Variants in GP1BA observed in about 807,000 individuals in gnomAD.
The protein encoded by GP1BA is glycoprotein Ib platelet subunit alpha, also known as platelet glycoprotein Ib alpha chain.
A neutral mutation model predicts 5.6 loss-of-function variants in GP1BA; 3 were observed. The ratio of observed to expected loss-of-function variants is 0.53; its 90% CI spans 0.24 to 1.38. The LOEUF is 1.38. Among genes scored for constraint, GP1BA ranks in the 40% most tolerant of loss-of-function variants. GP1BA has a pLI of 0.16. For missense variants in GP1BA, 707 were observed against 801.4 expected, an observed-to-expected ratio of 0.88 and a Z score of 1.42; for synonymous variants, 323 against 358.3, an observed-to-expected ratio of 0.90 and a Z score of 1.11.
In GP1BA at chr17:4,934,358, G is replaced by C. The variant is rs776856850; in HGVS notation, c.1754G>C (p.Gly585Ala). 7 of 1,613,906 alleles carry C rather than the reference G, an allele frequency of 4.3e-6. No individual in the cohort carries two copies. The African/African-American group carries it at 9.3e-5, about 22-fold the overall frequency. The change falls in exon 2 of 2, where the codon GGA becomes GCA. Residue 585 changes from glycine to alanine, a missense_variant. Transcript: ENST00000329125. ...TQTTHLELQR[G>A]RQVTVPRAWL... ...ACCACACACCTGGAGCTGCAGAGGGGACGGCAAGTGACAGTGCCCCGGGCC... is the reference window on the plus strand; with the variant it reads ...ACCACACACCTGGAGCTGCAGAGGGCACGGCAAGTGACAGTGCCCCGGGCC...
In GP1BA at chr17:4,932,375, G is replaced by A; in HGVS notation, c.-7+10G>A. On this transcript the variant is annotated intron_variant, in intron 1 of 1. Transcript: ENST00000329125. The surrounding 1 kb of genome is among the most constrained non-coding windows in gnomAD (Gnocchi z 4.8). ...GTCTTTCTGCCTGCCTGTAAGCCGG[G>A]GTTGGTGCTGGGGCAGGAGAGGGGT... is the stretch of plus-strand genomic sequence containing the variant. 5.7e-6 allele frequency: 8 copies of A among 1,394,986 alleles called. No individual in the cohort carries two copies. The highest frequency in any genetic ancestry group is 7.4e-6 in the Non-Finnish European group (8 of 1,075,822). 86.4% of individuals were successfully genotyped at this position (1,394,986 alleles called of 1,614,324 possible).
In GP1BA at chr17:4,933,251, C is replaced by T. The variant is rs1970369490; in HGVS notation, c.647C>T (p.Ala216Val). ...TTTGGGTCCCACCTCCTGCCTTTTG[C>T]TTTTCTCCACGGGAACCCCTGGTTA... Reference protein sequence around the residue: ...GFFGSHLLPFAFLHGNPWLCN... With the variant: ...GFFGSHLLPFVFLHGNPWLCN... The change falls in exon 2 of 2, where the codon GCT (alanine) becomes GTT (valine). Residue 216 changes from alanine (A) to valine (V), a missense_variant. By Grantham distance (64) the Ala-to-Val change is moderately conservative. Coordinates refer to ENST00000329125, the MANE Select transcript of GP1BA (RefSeq NM_000173.7). 1.2e-6 allele frequency: 2 copies of T among 1,613,984 alleles called. No homozygotes were observed. Among genetic ancestry groups the T allele is most frequent in the Non-Finnish European group, 1.7e-6 (2 of 1,179,880 alleles).
Position 4,932,584 on chromosome 17 carries a change from C to A in GP1BA, c.-6-15C>A. On this transcript the variant is annotated splice_polypyrimidine_tract_variant and intron_variant, in intron 1 of 1. Coordinates refer to ENST00000329125, the MANE Select transcript of GP1BA (RefSeq NM_000173.7). This position sits in a 1 kb window ranked among gnomAD's most constrained non-coding sequence, Gnocchi z 4.8. The stretch of plus-strand genomic sequence containing the variant: ...GGGATGCAGGGGGATCCACTCAAGG[C>A]TCCCTTGCCCACAGGTCCTCATGCC... The A allele has an allele frequency of 6.2e-7, 1 of 1,605,334 alleles. No homozygotes were observed. Among genetic ancestry groups the A allele is most frequent in the Non-Finnish European group, 8.5e-7 (1 of 1,174,178 alleles).
rs1192297848 is a variant in GP1BA, at chr17:4,932,376, GT to G, written c.-7+13del. 7.2e-7 allele frequency: 1 copy of G among 1,395,674 alleles called. No homozygotes were observed. The highest frequency in any genetic ancestry group is 2.6e-5 in the East Asian group (1 of 37,976). The allele number at this position is 1,395,674 out of a possible 1,614,324, so 86.5% of individuals were successfully genotyped here. ...TCTTTCTGCCTGCCTGTAAGCCGGG[GT>G]TGGTGCTGGGGCAGGAGAGGGGTCT... On this transcript the variant is annotated intron_variant, in intron 1 of 1. Coordinates refer to ENST00000329125, the MANE Select transcript of GP1BA (RefSeq NM_000173.7). The surrounding 1 kb of genome is among the most constrained non-coding windows in gnomAD (Gnocchi z 4.8).
In GP1BA at chr17:4,935,022, G is replaced by A. The variant is rs1363673325; in HGVS notation, c.*459G>A. 2.1e-5 allele frequency: 4 copies of A among 188,218 alleles called. No homozygotes were observed. The highest frequency in any genetic ancestry group is 5.0e-5 in the Non-Finnish European group (4 of 80,412). 11.7% of individuals were successfully genotyped at this position (188,218 alleles called of 1,614,324 possible). ...ATCTGTATAATAAAAAATAATTTTA[G>A]GGTTGGGAGTGATGGCTCATGCCTG... On this transcript the variant is annotated 3_prime_UTR_variant, in exon 2 of 2. Coordinates refer to ENST00000329125, the MANE Select transcript of GP1BA (RefSeq NM_000173.7).
In GP1BA at chr17:4,933,641, A is replaced by G. The variant is rs1397554567; in HGVS notation, c.1037A>G (p.Gln346Arg). 6.2e-7 allele frequency: 1 copy of G among 1,613,712 alleles called. No homozygotes were observed. The highest frequency in any genetic ancestry group is 1.3e-5 in the African/African-American group (1 of 74,838). The change falls in exon 2 of 2, where the codon CAA becomes CGA. Residue 346 changes from glutamine (Q) to arginine (R), a missense_variant. This residue lies in a region of GP1BA where 442 missense variants were observed against 498.8 expected (regional missense o/e 0.89). Transcript: ENST00000329125. ...SQMPSSLHPT[Q>R]ESTKEQTTFP... ...ATGCCCTCCTCCTTGCATCCAACAC[A>G]AGAATCCACTAAGGAGCAGACCACA...
chr17:4,934,400 G>C lies in GP1BA; in HGVS notation c.1796G>C (p.Arg599Pro). 2 of 1,614,028 alleles carry C rather than the reference G, an allele frequency of 1.2e-6. No homozygotes were observed. Among genetic ancestry groups the C allele is most frequent in the Non-Finnish European group, 1.7e-6 (2 of 1,179,904 alleles). Residue 599 changes from arginine (R) to proline (P), a missense_variant, in exon 2 of 2, where the codon CGA (arginine) becomes CCA (proline). This residue lies in a region of GP1BA where 247 missense variants were observed against 246.6 expected (regional missense o/e 1.00). Coordinates refer to ENST00000329125, the MANE Select transcript of GP1BA (RefSeq NM_000173.7). ...TVPRAWLLFLRGSLPTFRSSL... is the reference protein window; with the variant it reads ...TVPRAWLLFLPGSLPTFRSSL... The stretch of plus-strand genomic sequence containing the variant: ...CCCCGGGCCTGGCTGCTCTTCCTTC[G>C]AGGTTCGCTTCCCACTTTCCGCTCC...
rs766747008 is a variant in GP1BA at position 4,933,025 on chromosome 17, G to A, written c.421G>A (p.Glu141Lys). The part of the protein sequence containing the change: ...LPLGALRGLG[E>K]LQELYLKGNE... ...TCTTGGTGCCCTGCGTGGTCTTGGC[G>A]AACTCCAAGAGCTCTACCTGAAAGG... Residue 141 changes from glutamate (E) to lysine (K), a missense_variant, in exon 2 of 2, where the codon GAA (glutamate) becomes AAA (lysine). Glu to Lys is a moderately conservative substitution (Grantham distance 56). Coordinates refer to ENST00000329125, the MANE Select transcript of GP1BA (RefSeq NM_000173.7). The A allele has an allele frequency of 6.8e-6, 11 of 1,613,872 alleles. No individual in the cohort carries two copies. The highest frequency in any genetic ancestry group is 2.2e-5 in the East Asian group (1 of 44,888).
Position 4,933,544 on chromosome 17 carries a change from T to G in GP1BA, c.940T>G (p.Phe314Val), listed in dbSNP as rs1291365888. ...KVRATRTVVK[F>V]PTKAHTTPWG... ...GCGTGCCACAAGGACTGTGGTCAAG[T>G]TCCCCACCAAAGCCCATACAACCCC... The change falls in exon 2 of 2, where the codon TTC becomes GTC. Residue 314 changes from phenylalanine (F) to valine (V), a missense_variant. Phe to Val is a conservative substitution (Grantham distance 50). Coordinates refer to ENST00000329125, the MANE Select transcript of GP1BA (RefSeq NM_000173.7). 2.5e-6 allele frequency: 4 copies of G among 1,613,612 alleles called. No individual in the cohort carries two copies. The highest frequency in any genetic ancestry group is 3.4e-6 in the Non-Finnish European group (4 of 1,179,810).
chr17:4,932,599 G>A lies in GP1BA; in HGVS notation c.-6G>A, dbSNP rs1212623910. The A allele has an allele frequency of 6.2e-7, 1 of 1,611,432 alleles. No homozygotes were observed. Among genetic ancestry groups the A allele is most frequent in the Non-Finnish European group, 8.5e-7 (1 of 1,178,120 alleles). On this transcript the variant is annotated splice_region_variant and 5_prime_UTR_variant, in exon 2 of 2. Coordinates refer to ENST00000329125, the MANE Select transcript of GP1BA (RefSeq NM_000173.7). This position sits in a 1 kb window ranked among gnomAD's most constrained non-coding sequence, Gnocchi z 4.8. ...CCACTCAAGGCTCCCTTGCCCACAG[G>A]TCCTCATGCCTCTCCTCCTCTTGCT...
At position 4,933,618 on chromosome 17, in the gene GP1BA, G is replaced by T. The variant is rs1335323371; in HGVS notation, c.1014G>T (p.Met338Ile). The part of the protein sequence containing the change: ...SWSTASLDSQ[M>I]PSSLHPTQES... The stretch of plus-strand genomic sequence containing the variant: ...CCACTGCTTCTCTAGACAGCCAAAT[G>T]CCCTCCTCCTTGCATCCAACACAAG... Residue 338 changes from methionine (M) to isoleucine (I), a missense_variant, in exon 2 of 2, where the codon ATG becomes ATT. By Grantham distance (10) the Met-to-Ile change is conservative. Coordinates refer to ENST00000329125, the MANE Select transcript of GP1BA (RefSeq NM_000173.7). The T allele has an allele frequency of 3.7e-6, 6 of 1,613,810 alleles. No homozygotes were observed. Among genetic ancestry groups the T allele is most frequent in the Non-Finnish European group, 5.1e-6 (6 of 1,179,842 alleles).
rs1970400942 is a variant in GP1BA at position 4,935,015 on chromosome 17, A to T, written c.*452A>T. On this transcript the variant is annotated 3_prime_UTR_variant, in exon 2 of 2. Coordinates refer to ENST00000329125, the MANE Select transcript of GP1BA (RefSeq NM_000173.7). ...GTATATTATCTGTATAATAAAAAATAATTTTAGGGTTGGGAGTGATGGCTC... is the reference window on the plus strand; with the variant it reads ...GTATATTATCTGTATAATAAAAAATTATTTTAGGGTTGGGAGTGATGGCTC... 5.3e-6 allele frequency: 1 copy of T among 190,042 alleles called. No individual in the cohort carries two copies. The highest frequency in any genetic ancestry group is 1.2e-5 in the Non-Finnish European group (1 of 80,994). 11.8% of individuals were successfully genotyped at this position (190,042 alleles called of 1,614,324 possible).
In GP1BA at chr17:4,934,161, T is replaced by G. The variant is rs767885475; in HGVS notation, c.1557T>G (p.Pro519=). ...ATTTGGAGAGCTCCAGAAATGACCC[T>G]TTTCTCCACCCCGACTTTTGCTGCC... is the stretch of plus-strand genomic sequence containing the variant. ...QGHLESSRND[P]FLHPDFCCLL... The change falls in exon 2 of 2, where the codon CCT becomes CCG. Residue 519 remains proline, a synonymous_variant. Transcript: ENST00000329125. 6.2e-7 allele frequency: 1 copy of G among 1,613,866 alleles called. No homozygotes were observed. Among genetic ancestry groups the G allele is most frequent in the Admixed American group, 1.7e-5 (1 of 60,024 alleles).
At position 4,934,745 on chromosome 17, in the gene GP1BA, G is replaced by A. The variant is rs1970397816; in HGVS notation, c.*182G>A. On this transcript the variant is annotated 3_prime_UTR_variant, in exon 2 of 2. Transcript: ENST00000329125. ...TTTCAGTCCCAGCCAAAGCAGAAGG[G>A]GTAATGACATGGACTTGGCGGGGGG... is the stretch of plus-strand genomic sequence containing the variant. The A allele has an allele frequency of 1.5e-6, 1 of 669,750 alleles. No individual in the cohort carries two copies. Among genetic ancestry groups the A allele is most frequent in the Non-Finnish European group, 2.6e-6 (1 of 381,824 alleles). The allele number at this position is 669,750 out of a possible 1,614,324, so 41.5% of individuals were successfully genotyped here.
In GP1BA at chr17:4,932,333, G is replaced by T; in HGVS notation, c.-39G>T. On this transcript the variant is annotated 5_prime_UTR_variant, in exon 1 of 2. Transcript: ENST00000329125. This position sits in a 1 kb window ranked among gnomAD's most constrained non-coding sequence, Gnocchi z 4.8. ...GGAGTCGAGTGGCACCCTAGAAGAC[G>T]CTCTGTGCCTTCGGAGGTCTTTCTG... 2 of 1,326,946 alleles carry T rather than the reference G, an allele frequency of 1.5e-6. No homozygotes were observed. The highest frequency in any genetic ancestry group is 6.3e-5 in the East Asian group (2 of 31,786). The allele number at this position is 1,326,946 out of a possible 1,614,324, so 82.2% of individuals were successfully genotyped here. A position where few individuals can be genotyped will look rare whatever the true frequency, so the allele number is the denominator to read the frequency against.
chr17:4,934,935 G>T lies in GP1BA; in HGVS notation c.*372G>T. 3.7e-6 allele frequency: 1 copy of T among 269,040 alleles called. No individual in the cohort carries two copies. Among genetic ancestry groups the T allele is most frequent in the Non-Finnish European group, 7.6e-6 (1 of 131,336 alleles). The allele number at this position is 269,040 out of a possible 1,614,324, so 16.7% of individuals were successfully genotyped here. ...GTTGTGTCTGGATGTTACAAATATGGGTGGTTTTATTTTCTTTTTCCCTGT... is the reference window on the plus strand; with the variant it reads ...GTTGTGTCTGGATGTTACAAATATGTGTGGTTTTATTTTCTTTTTCCCTGT... On this transcript the variant is annotated 3_prime_UTR_variant, in exon 2 of 2. Transcript: ENST00000329125.
chr17:4,932,342 C>G lies in GP1BA; in HGVS notation c.-30C>G. Reference sequence around the variant, plus strand: ...TGGCACCCTAGAAGACGCTCTGTGCCTTCGGAGGTCTTTCTGCCTGCCTGT... The same window carrying G: ...TGGCACCCTAGAAGACGCTCTGTGCGTTCGGAGGTCTTTCTGCCTGCCTGT... On this transcript the variant is annotated 5_prime_UTR_variant, in exon 1 of 2. Coordinates refer to ENST00000329125, the MANE Select transcript of GP1BA (RefSeq NM_000173.7). This position sits in a 1 kb window ranked among gnomAD's most constrained non-coding sequence, Gnocchi z 4.8. 7.4e-7 allele frequency: 1 copy of G among 1,352,470 alleles called. No individual in the cohort carries two copies. Among genetic ancestry groups the G allele is most frequent in the East Asian group, 2.9e-5 (1 of 33,920 alleles). The allele number at this position is 1,352,470 out of a possible 1,614,324, so 83.8% of individuals were successfully genotyped here. A position where few individuals can be genotyped will look rare whatever the true frequency, so the allele number is the denominator to read the frequency against.
chr17:4,933,660 G>A lies in GP1BA; in HGVS notation c.1056G>A (p.Gln352=), dbSNP rs1179903908. Residue 352 remains glutamine, a synonymous_variant, in exon 2 of 2, where the codon CAG becomes CAA. Transcript: ENST00000329125. ...CAACACAAGAATCCACTAAGGAGCAGACCACATTCCCACCTAGATGGACCC... is the reference window on the plus strand; with the variant it reads ...CAACACAAGAATCCACTAAGGAGCAAACCACATTCCCACCTAGATGGACCC... ...LHPTQESTKE[Q]TTFPPRWTPN... 1 of 1,613,854 alleles carries A rather than the reference G, an allele frequency of 6.2e-7. No homozygotes were observed. Among genetic ancestry groups the A allele is most frequent in the Non-Finnish European group, 8.5e-7 (1 of 1,179,858 alleles).
At position 4,934,699 on chromosome 17, in the gene GP1BA, C is replaced by A; in HGVS notation, c.*136C>A. On this transcript the variant is annotated 3_prime_UTR_variant, in exon 2 of 2. Coordinates refer to ENST00000329125, the MANE Select transcript of GP1BA (RefSeq NM_000173.7). ...CCTTTTTCTGTATCAGAAGCCCTGT[C>A]TTCACAACACAGGCACACAATTTCA... 1.2e-6 allele frequency: 1 copy of A among 852,226 alleles called. No individual in the cohort carries two copies. Among genetic ancestry groups the A allele is most frequent in the Non-Finnish European group, 1.9e-6 (1 of 529,126 alleles). The allele number at this position is 852,226 out of a possible 1,614,324, so 52.8% of individuals were successfully genotyped here. A position where few individuals can be genotyped will look rare whatever the true frequency, so the allele number is the denominator to read the frequency against.
Sources: allele counts gnomAD v4.1 joint callset, GRCh38; gene constraint gnomAD v4.1.1; regional missense constraint gnomAD v4.1.1; non-coding constraint Gnocchi (gnomAD v3.1); transcripts MANE v1.5; gene names NCBI Gene and HGNC (gene_info 2026-07-23, HGNC 2026-07-21).